CCSER1: variants seen among roughly 807,000 people sequenced by gnomAD.
CCSER1 encodes the protein serine-rich coiled-coil domain-containing protein 1.
Under a neutral mutation model 82.0 loss-of-function variants are expected in CCSER1, and 41 were observed. The ratio of observed to expected loss-of-function variants is 0.50; its 90% CI spans 0.39 to 0.65. CCSER1 has a LOEUF of 0.65. Among genes scored for constraint, CCSER1 ranks in the 30% least tolerant of loss-of-function variants. The probability of loss-of-function intolerance (pLI) is 0.00; values close to 1 mark genes in which losing one functional copy is unlikely to be tolerated. For synonymous variants in CCSER1, 414 were observed against 383.9 expected (o/e 1.08, Z -0.92); for missense variants, 1,119 against 1,064.2 (o/e 1.05, Z -0.72).
intron 5 of CCSER1, among the ~76,000 whole-genome samples, chr4:90,538,010 T>C (rs1775626674): frequency 6.6e-6 from 1 of 152,206 alleles, no homozygotes; most frequent in Admixed American, 6.5e-5. Flanking sequence ...TTGAAAATTA[T>C]GTTTGTCTCT....
intron 7 of CCSER1, among the ~76,000 whole-genome samples, chr4:90,803,285 C>T (rs1033034858): frequency 3.3e-5 from 5 of 152,052 alleles, no homozygotes; most frequent in Non-Finnish European, 7.4e-5. Context: ...CACAGGTATA[C>T]ATGTGCCACA....
chr4:90,778,924 A>T (rs1165893440), intron 7 of CCSER1, among the ~76,000 whole-genome samples: 1 of 152,152 alleles, frequency 6.6e-6, no homozygotes, highest in Non-Finnish European at 1.5e-5. Flanking sequence ...TAAGGAGCAA[A>T]TCTATAATTC....
intron 7 of CCSER1, among the ~76,000 whole-genome samples, chr4:90,760,590 A>C (rs1750271868): frequency 6.6e-6 from 1 of 152,120 alleles, no homozygotes; most frequent in Non-Finnish European, 1.5e-5. Flanking sequence ...ATACTAGTAA[A>C]AAATTTCAGA....
chr4:91,528,269 G>A (rs1200385919), intron 10 of CCSER1, among the ~76,000 whole-genome samples: 3 of 152,102 alleles, frequency 2.0e-5, no homozygotes, highest in Non-Finnish European at 4.4e-5. Context: ...TTTGCCCATA[G>A]TGGTTGCCTT....
intron 1 of CCSER1, among the ~76,000 whole-genome samples, chr4:90,284,751 C>G (rs1420197265): frequency 2.0e-5 from 3 of 151,960 alleles, no homozygotes; most frequent in African/African-American, 7.2e-5. Context: ...CCTTGGCCTC[C>G]CAAAATGCTG....
chr4:91,385,787 C>T (rs866575808), intron 10 of CCSER1, among the ~76,000 whole-genome samples: 6 of 151,712 alleles, frequency 4.0e-5, no homozygotes, highest in Admixed American at 2.0e-4. Flanking sequence ...CAAAATTCTA[C>T]GTGTATTTTT....
intron 1 of CCSER1, among the ~76,000 whole-genome samples, chr4:90,248,021 C>T (rs773657158): frequency 6.6e-5 from 10 of 152,042 alleles, no homozygotes; most frequent in Non-Finnish European, 1.5e-4. Context: ...CAGCTGTCTA[C>T]ATTCATTAAA....
At chr4:90,599,864 A>T (rs966537960) in intron 5 of CCSER1, among the ~76,000 whole-genome samples, 5 of 152,086 alleles carry the variant, frequency 3.3e-5, no homozygotes, top group African/African-American at 1.2e-4. Context: ...CCCTTTGTAA[A>T]TCTTCTTTCA....
At chr4:90,497,804 A>C (rs1315800874) in intron 5 of CCSER1, among the ~76,000 whole-genome samples, 1 of 152,170 alleles carries the variant, frequency 6.6e-6, no homozygotes, top group Non-Finnish European at 1.5e-5. Context: ...TAAGCTAAAG[A>C]GATGTAACTT....
Position 91,086,006 on chromosome 4 carries a change from T to C in CCSER1, c.2217+12T>C. The C allele has an allele frequency of 6.7e-7, 1 of 1,489,232 alleles. No homozygotes were observed. The highest frequency in any genetic ancestry group is 9.2e-7 in the Non-Finnish European group (1 of 1,090,812). The allele number at this position is 1,489,232 out of a possible 1,614,324, so 92.3% of individuals were successfully genotyped here. A position where few individuals can be genotyped will look rare whatever the true frequency, so the allele number is the denominator to read the frequency against. ...AAGGAGGGAGAGAGGTAAGAATGTTTAAAGAAGAGGGGTGGGAAAAAGAGG... is the reference window on the plus strand; with the variant it reads ...AAGGAGGGAGAGAGGTAAGAATGTTCAAAGAAGAGGGGTGGGAAAAAGAGG... On this transcript the variant is annotated intron_variant, in intron 10 of 10. Transcript: ENST00000509176.
chr4:91,556,148 G>T (rs1167307055), intron 10 of CCSER1, among the ~76,000 whole-genome samples: 2 of 151,224 alleles, frequency 1.3e-5, no homozygotes, highest in Non-Finnish European at 3.0e-5. Flanking sequence ...TATTTTTAGA[G>T]GAAATGAAGG....
intron 9 of CCSER1, among the ~76,000 whole-genome samples, chr4:91,030,533 G>A (rs1323717543): frequency 6.6e-6 from 1 of 152,090 alleles, no homozygotes; most frequent in Non-Finnish European, 1.5e-5. Flanking sequence ...TGTGGAGGCA[G>A]GACTCATGAG....
chr4:90,788,621 C>G (rs1754837808), intron 7 of CCSER1, among the ~76,000 whole-genome samples: 1 of 152,108 alleles, frequency 6.6e-6, no homozygotes, highest in Non-Finnish European at 1.5e-5. Context: ...GCTCACTTCC[C>G]TCCAGTATTT....
At chr4:90,856,909 T>C (rs561624839) in intron 8 of CCSER1, among the ~76,000 whole-genome samples, 6 of 151,606 alleles carry the variant, frequency 4.0e-5, no homozygotes, top group Admixed American at 3.3e-4. Flanking sequence ...AAGTAGACTC[T>C]GGCAGGGACT....
chr4:90,956,792 A>G (rs1373514407), intron 9 of CCSER1, among the ~76,000 whole-genome samples: 1 of 147,412 alleles, frequency 6.8e-6, no homozygotes, highest in Non-Finnish European at 1.5e-5. Context: ...TCTTTAAAAG[A>G]CAGTATTTTA....
In CCSER1 at chr4:91,423,607, A is replaced by G. The variant is rs139319292; in HGVS notation, c.2218-174965A>G. On this transcript the variant is annotated intron_variant, in intron 10 of 10. Transcript: ENST00000509176. Reference sequence around the variant, plus strand: ...TATAGCTTATGAAACCAAGAAACTTATTTTATAGGTAATGCACAAATAAGA... The same window carrying G: ...TATAGCTTATGAAACCAAGAAACTTGTTTTATAGGTAATGCACAAATAAGA... 2.1e-3 allele frequency among the ~76,000 whole-genome samples: 323 copies of G among 152,244 alleles called. 2 individuals are homozygous for G. Among genetic ancestry groups the G allele is most frequent in the African/African-American group, 7.6e-3 (314 of 41,524 alleles).
intron 8 of CCSER1, among the ~76,000 whole-genome samples, chr4:90,885,699 A>G (rs1580929235): frequency 6.6e-6 from 1 of 152,168 alleles, no homozygotes; most frequent in East Asian, 1.9e-4. Context: ...GATCAGTGCT[A>G]AAAGAAGGCA....
chr4:90,205,104 G>C (rs952268302), intron 1 of CCSER1, among the ~76,000 whole-genome samples: 1 of 152,190 alleles, frequency 6.6e-6, no homozygotes, highest in African/African-American at 2.4e-5. Context: ...TGAGATGATG[G>C]AGTTTTCTAA....
chr4:90,827,605 T>C (rs1681723307), intron 8 of CCSER1, among the ~76,000 whole-genome samples: 1 of 152,214 alleles, frequency 6.6e-6, no homozygotes, highest in Non-Finnish European at 1.5e-5. Context: ...TTAGTAATCA[T>C]GTCCTATTTC....
Sources: gnomAD v4.1 joint callset for allele counts (sites outside exome capture counted in the v4.1 genomes callset) on GRCh38, gnomAD v4.1.1 for gene constraint, MANE v1.5 for transcripts, NCBI Gene and HGNC (gene_info 2026-07-23, HGNC 2026-07-21) for gene names.